MACROD2: variants seen among roughly 807,000 people sequenced by gnomAD.
The protein encoded by MACROD2 is mono-ADP ribosylhydrolase 2, also known as ADP-ribose glycohydrolase MACROD2.
In MACROD2, 36 loss-of-function variants were observed where a neutral mutation model predicts 70.4. That is an observed-to-expected ratio of 0.51 (90% confidence interval 0.39 to 0.68). MACROD2 has a LOEUF of 0.68. MACROD2 is among the 30% of genes least tolerant of loss of function. The probability of loss-of-function intolerance (pLI) is 0.00; values close to 1 mark genes in which losing one functional copy is unlikely to be tolerated. For synonymous variants in MACROD2, 172 were observed against 178.8 expected (o/e 0.96, Z 0.30); for missense variants, 496 against 538.4 (o/e 0.92, Z 0.78).
At chr20:15,423,578 T>G (rs1317650554) in intron 6 of MACROD2, among the ~76,000 whole-genome samples, 4 of 151,814 alleles carry the variant, frequency 2.6e-5, no homozygotes, top group Non-Finnish European at 5.9e-5. Flanking sequence ...AAGAGCTCTT[T>G]TCTTGGTGTG....
At chr20:15,114,553 A>C (rs1424603957) in intron 5 of MACROD2, among the ~76,000 whole-genome samples, 1 of 152,164 alleles carries the variant, frequency 6.6e-6, no homozygotes, top group Non-Finnish European at 1.5e-5. Flanking sequence ...TGAGCCTGGA[A>C]GAGAACTCCA....
chr20:14,833,864 C>T (rs2072999080), intron 5 of MACROD2, among the ~76,000 whole-genome samples: 1 of 151,966 alleles, frequency 6.6e-6, no homozygotes, highest in Admixed American at 6.6e-5. Flanking sequence ...TAGTAAATTG[C>T]ATAAGCTGAA....
chr20:15,126,111 C>CTT (rs5840654), intron 5 of MACROD2, among the ~76,000 whole-genome samples: 8 of 98,818 alleles, frequency 8.1e-5, no homozygotes, highest in Non-Finnish European at 1.6e-4. Flanking sequence ...ATTGTTTCAA[C>CTT]TTTTTTTTTT....
At chr20:15,846,038 G>C (rs2064227363) in intron 8 of MACROD2, among the ~76,000 whole-genome samples, 1 of 152,174 alleles carries the variant, frequency 6.6e-6, no homozygotes, top group Non-Finnish European at 1.5e-5. Context: ...GAGTAAAAAT[G>C]TTATTTCTTC....
At chr20:14,234,802 G>A (rs2081853746) in intron 3 of MACROD2, among the ~76,000 whole-genome samples, 1 of 152,150 alleles carries the variant, frequency 6.6e-6, no homozygotes, top group Non-Finnish European at 1.5e-5. Flanking sequence ...CACTCCAAGA[G>A]TGGATGCCTC....
chr20:15,249,852 A>G (rs2077139411), intron 6 of MACROD2, among the ~76,000 whole-genome samples: 1 of 152,246 alleles, frequency 6.6e-6, no homozygotes, highest in East Asian at 1.9e-4. Flanking sequence ...CACAGCGCCA[A>G]CAGGACCACC....
intron 5 of MACROD2, among the ~76,000 whole-genome samples, chr20:14,825,573 A>T (rs2072892374): frequency 6.6e-6 from 1 of 152,150 alleles, no homozygotes; most frequent in African/African-American, 2.4e-5. Context: ...TATTTTAAGC[A>T]GCATCAAGAT....
At chr20:14,551,955 T>A (rs1038565445) in intron 4 of MACROD2, among the ~76,000 whole-genome samples, 5 of 152,172 alleles carry the variant, frequency 3.3e-5, no homozygotes, top group Middle Eastern at 6.8e-3. Flanking sequence ...CTTTTTTGAG[T>A]GAAGTATTAA....
intron 3 of MACROD2, among the ~76,000 whole-genome samples, chr20:14,114,045 G>A (rs1176826136): frequency 6.6e-6 from 1 of 152,036 alleles, no homozygotes; most frequent in Admixed American, 6.6e-5. Flanking sequence ...CATGTTTTAA[G>A]CATTTCATAG....
At chr20:14,987,989 G>A (rs1242806394) in intron 5 of MACROD2, among the ~76,000 whole-genome samples, 4 of 152,124 alleles carry the variant, frequency 2.6e-5, no homozygotes, top group Non-Finnish European at 1.5e-5. Flanking sequence ...TTTTCAGGAA[G>A]TGGCTTCTGT....
chr20:15,306,772 A>G (rs2077701649), intron 6 of MACROD2, among the ~76,000 whole-genome samples: 1 of 152,132 alleles, frequency 6.6e-6, no homozygotes, highest in Non-Finnish European at 1.5e-5. Flanking sequence ...ACAACTTTGG[A>G]GACCCCTGTA....
intron 8 of MACROD2, among the ~76,000 whole-genome samples, chr20:15,529,271 C>CGT (rs140068832): frequency 0.041 from 6,111 of 149,440 alleles, 137 homozygotes; most frequent in South Asian, 0.12. Context: ...CTGTGGGATG[C>CGT]GTGTGTGTGT....
chr20:15,561,234 A>G (rs1169917185), intron 8 of MACROD2, among the ~76,000 whole-genome samples: 1 of 152,234 alleles, frequency 6.6e-6, no homozygotes, highest in African/African-American at 2.4e-5. Flanking sequence ...TGCTGTCATT[A>G]CGCATTTTAT....
chr20:15,428,541 G>T (rs1016400928), intron 6 of MACROD2, among the ~76,000 whole-genome samples: 5 of 152,146 alleles, frequency 3.3e-5, no homozygotes, highest in Admixed American at 3.3e-4. Context: ...GGAAGTTGAG[G>T]TCACTGGAAA....
intron 15 of MACROD2, among the ~76,000 whole-genome samples, chr20:16,032,985 G>A (rs907739572): frequency 3.9e-5 from 6 of 152,060 alleles, no homozygotes; most frequent in African/African-American, 1.4e-4. Flanking sequence ...TATTTTGCGT[G>A]ACTGTGACTA....
intron 5 of MACROD2, among the ~76,000 whole-genome samples, chr20:15,126,978 T>G (rs1168892446): frequency 6.6e-6 from 1 of 152,090 alleles, no homozygotes; most frequent in Admixed American, 6.6e-5. Flanking sequence ...GCAGACCAAA[T>G]TTTTTTAGTT....
chr20:14,945,363 G>A (rs1455261216), intron 5 of MACROD2, among the ~76,000 whole-genome samples: 2 of 152,022 alleles, frequency 1.3e-5, no homozygotes, highest in African/African-American at 2.4e-5. Context: ...TTTCAGGTAT[G>A]AGCCACCATG....
intron 8 of MACROD2, among the ~76,000 whole-genome samples, chr20:15,754,013 T>C (rs1471078535): frequency 6.6e-6 from 1 of 152,176 alleles, no homozygotes; most frequent in African/African-American, 2.4e-5. Flanking sequence ...GAAAATCTGA[T>C]AGATCAAGCT....
At chr20:15,148,241 A>C (rs1051211243) in intron 5 of MACROD2, among the ~76,000 whole-genome samples, 12 of 151,798 alleles carry the variant, frequency 7.9e-5, no homozygotes, top group African/African-American at 2.7e-4. Context: ...GTAAGGGATG[A>C]CATTGTGGGG....
Sources: gnomAD v4.1 joint callset for allele counts (sites outside exome capture counted in the v4.1 genomes callset) on GRCh38, gnomAD v4.1.1 for gene constraint, MANE v1.5 for transcripts, NCBI Gene and HGNC (gene_info 2026-07-23, HGNC 2026-07-21) for gene names.